TENM2: variants seen among roughly 807,000 people sequenced by gnomAD.
The protein encoded by TENM2 is teneurin transmembrane protein 2.
TENM2 carries 52 observed loss-of-function variants against 245.2 expected under a neutral mutation model. The observed-to-expected ratio is 0.21, with a 90% CI of 0.17 to 0.27. The LOEUF (loss-of-function observed/expected upper bound fraction) is 0.27, where lower values mean the gene tolerates loss of function less well. TENM2 is among the 10% of genes least tolerant of loss of function. TENM2 has a pLI of 1.00. For missense variants in TENM2, 3,046 were observed against 3,666.8 expected (o/e 0.83, Z 4.37); for synonymous variants, 1,363 against 1,438.9 (o/e 0.95, Z 1.19).
At chr5:167,949,955 C>T (rs1444468067) in intron 3 of TENM2, among the ~76,000 whole-genome samples, 17 of 152,096 alleles carry the variant, frequency 1.1e-4, no homozygotes, top group Admixed American at 9.8e-4. Context: ...CTTCCAATAC[C>T]GAGAACGCTG....
chr5:167,822,369 T>A (rs1419668436), intron 2 of TENM2, among the ~76,000 whole-genome samples: 1 of 152,204 alleles, frequency 6.6e-6, no homozygotes. Context: ...AAGTACATCT[T>A]AAGTGCAGGG....
chr5:167,513,864 C>A (rs999065533), intron 2 of TENM2, among the ~76,000 whole-genome samples: 2 of 152,150 alleles, frequency 1.3e-5, no homozygotes, highest in African/African-American at 4.8e-5. Flanking sequence ...CAGTCATCAT[C>A]CTGCTGACTA....
the TENM2 span, among the ~76,000 whole-genome samples, chr5:167,254,149 C>T: frequency 3.3e-5 from 5 of 152,058 alleles, no homozygotes; most frequent in African/African-American, 4.8e-5. Flanking sequence ...GACTAGCTGG[C>T]ATGGGGACCA....
intron 2 of TENM2, among the ~76,000 whole-genome samples, chr5:167,534,042 A>G (rs988688312): frequency 6.6e-6 from 1 of 152,188 alleles, no homozygotes; most frequent in Non-Finnish European, 1.5e-5. Flanking sequence ...ATAAGGAAGG[A>G]CACATCTGAA....
chr5:167,280,706 G>T (rs569801206), upstream of TENM2, among the ~76,000 whole-genome samples: 1 of 152,100 alleles, frequency 6.6e-6, no homozygotes, highest in East Asian at 1.9e-4. Flanking sequence ...TCTCTGGGTT[G>T]CCAGCTCCAT....
the TENM2 span, among the ~76,000 whole-genome samples, chr5:167,249,848 T>A: frequency 1.8e-3 from 269 of 152,272 alleles, no homozygotes; most frequent in African/African-American, 6.2e-3. Context: ...GACAGAAACT[T>A]TGCTTTGTCC....
intron 3 of TENM2, among the ~76,000 whole-genome samples, chr5:167,902,975 G>A (rs141257279): frequency 3.5e-4 from 53 of 152,280 alleles, no homozygotes; most frequent in African/African-American, 1.2e-3. Context: ...TGCACTTTAA[G>A]TAAATCTACC....
At chr5:167,061,590 CAG>C in the TENM2 span, among the ~76,000 whole-genome samples, 1 of 151,996 alleles carries the variant, frequency 6.6e-6, no homozygotes, top group Non-Finnish European at 1.5e-5. Context: ...ATTTTTCTCA[CAG>C]AGATAATTGA....
chr5:166,983,746 G>T, the TENM2 span, among the ~76,000 whole-genome samples: 1 of 152,012 alleles, frequency 6.6e-6, no homozygotes, highest in Non-Finnish European at 1.5e-5. Context: ...ATTGTTTGGG[G>T]GGAAAGAGAG....
intron 3 of TENM2, among the ~76,000 whole-genome samples, chr5:167,894,053 A>G (rs1033226326): frequency 6.6e-6 from 1 of 152,218 alleles, no homozygotes; most frequent in African/African-American, 2.4e-5. Flanking sequence ...TTATGCATCT[A>G]CCAAACCTCT....
At chr5:167,238,354 A>G in the TENM2 span, among the ~76,000 whole-genome samples, 3 of 152,216 alleles carry the variant, frequency 2.0e-5, no homozygotes, top group Non-Finnish European at 2.9e-5. Context: ...TGAAATATCA[A>G]TAGAAGAGAC....
intron 2 of TENM2, among the ~76,000 whole-genome samples, chr5:167,591,513 A>G (rs1645454028): frequency 6.6e-6 from 1 of 152,232 alleles, no homozygotes; most frequent in African/African-American, 2.4e-5. Context: ...ACAATGGAAG[A>G]TAACTCTAAT....
At chr5:167,626,463 G>A (rs945155287) in intron 2 of TENM2, among the ~76,000 whole-genome samples, 12 of 152,274 alleles carry the variant, frequency 7.9e-5, no homozygotes, top group South Asian at 4.1e-4. Context: ...GTAAGTGGTC[G>A]TTTTTAAAAA....
the TENM2 span, among the ~76,000 whole-genome samples, chr5:167,073,988 A>G: frequency 6.6e-6 from 1 of 151,948 alleles, no homozygotes; most frequent in Non-Finnish European, 1.5e-5. Flanking sequence ...ACCTACAACC[A>G]TTTTCCCCTG....
intron 19 of TENM2, among the ~76,000 whole-genome samples, 181 bp from the exon 22 acceptor site, chr5:168,211,553 C>G (rs1436934366): frequency 6.6e-6 from 1 of 152,152 alleles, no homozygotes; most frequent in African/African-American, 2.4e-5. Flanking sequence ...TGGGAGGAGT[C>G]CAAAATCAGG....
In TENM2 at chr5:167,961,821, C is replaced by T. The variant is rs537327671; in HGVS notation, c.947+8999C>T. On this transcript the variant is annotated intron_variant, in intron 4 of 28. Coordinates refer to ENST00000518659, the Ensembl canonical transcript of TENM2. ...TTGGATGAAACACTGGAAGTTCCTA[C>T]ACCCAAAATAAGGTGGTGGAATGTC... Among the ~76,000 whole-genome samples the T allele has an allele frequency of 4.5e-4, 69 of 152,302 alleles. 1 individual carries two copies. Among genetic ancestry groups the T allele is most frequent in the South Asian group, 4.4e-3 (21 of 4,822 alleles).
chr5:168,061,171 C>G (rs926799057), intron 6 of TENM2, among the ~76,000 whole-genome samples: 1 of 152,144 alleles, frequency 6.6e-6, no homozygotes, highest in Non-Finnish European at 1.5e-5. Flanking sequence ...TTAGCAAGTT[C>G]AGAATCGATT....
the TENM2 span, among the ~76,000 whole-genome samples, chr5:167,153,694 C>CGTATATATATAT: frequency 6.6e-6 from 1 of 151,408 alleles, no homozygotes; most frequent in African/African-American, 2.4e-5. Context: ...CACACACACA[C>CGTATATATATAT]ACATATATCC....
At chr5:167,267,287 C>T in the TENM2 span, among the ~76,000 whole-genome samples, 3 of 152,100 alleles carry the variant, frequency 2.0e-5, no homozygotes, top group Admixed American at 6.6e-5. Context: ...ATCAAGCATG[C>T]CTTTCTTTTC....
Sources: gnomAD v4.1 joint callset for allele counts (sites outside exome capture counted in the v4.1 genomes callset) on GRCh38, gnomAD v4.1.1 for gene constraint, MANE v1.5 for transcripts, NCBI Gene and HGNC (gene_info 2026-07-23, HGNC 2026-07-21) for gene names.